CNTN1: variants seen among roughly 807,000 people sequenced by gnomAD.
CNTN1 encodes contactin-1.
In CNTN1, 38 loss-of-function variants were observed where a neutral mutation model predicts 126.4. The ratio of observed to expected loss-of-function variants is 0.30; its 90% CI spans 0.23 to 0.39. The LOEUF (loss-of-function observed/expected upper bound fraction) is 0.39. Ranked by LOEUF, CNTN1 falls within the 10% of genes least tolerant of loss-of-function variation. CNTN1 has a pLI of 1.00. For missense variants in CNTN1, 1,009 were observed against 1,248.4 expected (o/e 0.81, Z 2.89); for synonymous variants, 413 against 422.6 (o/e 0.98, Z 0.28).
At chr12:40,962,870 T>C (rs2137018251) in intron 15 of CNTN1, among the ~76,000 whole-genome samples, 1 of 152,292 alleles carries the variant, frequency 6.6e-6, no homozygotes, top group East Asian at 1.9e-4. Flanking sequence ...TTATATGAGT[T>C]ATATCTGTTA....
At chr12:40,878,502 A>T (rs76782947) in intron 1 of CNTN1, among the ~76,000 whole-genome samples, 2,344 of 152,210 alleles carry the variant, frequency 0.015, 59 homozygotes, top group African/African-American at 0.053. Context: ...TACCATTTTT[A>T]AAAAAATCGG....
In CNTN1 at chr12:40,888,497, A is replaced by T. The variant is rs193003387; in HGVS notation, c.-76-19860A>T. Among the ~76,000 whole-genome samples the T allele has an allele frequency of 5.9e-5, 9 of 152,324 alleles. No individual in the cohort carries two copies. In the East Asian group the frequency reaches 1.4e-3, roughly 23 times the overall value. On this transcript the variant is annotated intron_variant, in intron 1 of 23. Transcript: ENST00000551295. The stretch of plus-strand genomic sequence containing the variant: ...GTACTGGAAACATAATTCAGTCTGT[A>T]ATCATGGCTTGGTCACCTATGGTTT...
chr12:40,843,970 A>G (rs552245847), intron 1 of CNTN1, among the ~76,000 whole-genome samples: 1 of 151,810 alleles, frequency 6.6e-6, no homozygotes, highest in Non-Finnish European at 1.5e-5. Flanking sequence ...TTTCACATAG[A>G]TATATTTGGA....
At chr12:40,897,146 G>T (rs1419034841) in intron 1 of CNTN1, among the ~76,000 whole-genome samples, 1 of 152,210 alleles carries the variant, frequency 6.6e-6, no homozygotes, top group Admixed American at 6.5e-5. Flanking sequence ...ATGATGAAAT[G>T]ATAGTGTATC....
chr12:40,857,434 C>A (rs12582806), intron 1 of CNTN1, among the ~76,000 whole-genome samples: 15,047 of 152,010 alleles, frequency 0.099, 881 homozygotes, highest in Non-Finnish European at 0.13. Context: ...GGTTTGTGGG[C>A]AGTGGAGATG....
chr12:40,747,238 A>G (rs76461258), intron 1 of CNTN1, among the ~76,000 whole-genome samples: 3,277 of 151,774 alleles, frequency 0.022, 115 homozygotes, highest in African/African-American at 0.075. Flanking sequence ...TGGCATTTCT[A>G]TCTCGCTTTT....
intron 23 of CNTN1, among the ~76,000 whole-genome samples, chr12:41,057,418 T>C (rs895705082): frequency 9.3e-5 from 14 of 149,954 alleles, no homozygotes; most frequent in African/African-American, 3.4e-4. Context: ...TAGTAGACCC[T>C]TTACAAGGAA....
At chr12:40,969,139 A>G (rs1947407489) in intron 15 of CNTN1, among the ~76,000 whole-genome samples, 1 of 152,154 alleles carries the variant, frequency 6.6e-6, no homozygotes, top group African/African-American at 2.4e-5. Flanking sequence ...CAGTTTTATT[A>G]CCTATGATTT....
chr12:40,797,623 T>C (rs1596521), intron 1 of CNTN1, among the ~76,000 whole-genome samples: 150,307 of 152,162 alleles, frequency 0.99, 74,261 homozygotes, highest in Middle Eastern at 1. Context: ...TAAATAATGA[T>C]GACACTGACA....
chr12:40,797,049 T>C (rs1285916418), intron 1 of CNTN1, among the ~76,000 whole-genome samples: 1 of 152,094 alleles, frequency 6.6e-6, no homozygotes, highest in Non-Finnish European at 1.5e-5. Flanking sequence ...TATTAGCACC[T>C]AATAAAATTA....
chr12:40,877,642 T>C (rs1007205343), intron 1 of CNTN1, among the ~76,000 whole-genome samples: 1 of 152,216 alleles, frequency 6.6e-6, no homozygotes, highest in Non-Finnish European at 1.5e-5. Flanking sequence ...AGAAAAGGCA[T>C]AAATATACTG....
At chr12:40,837,665 G>C (rs1214532298) in intron 1 of CNTN1, among the ~76,000 whole-genome samples, 1 of 152,190 alleles carries the variant, frequency 6.6e-6, no homozygotes, top group East Asian at 1.9e-4. Context: ...TGAGGTGTTA[G>C]GGAAACTTGG....
rs115139516 is a variant in CNTN1, at chr12:40,940,776, C to T, written c.1379+1291C>T. Among the ~76,000 whole-genome samples the T allele has an allele frequency of 8.6e-3, 1,305 of 152,172 alleles. 15 individuals carry two copies. The highest frequency in any genetic ancestry group is 0.03 in the African/African-American group (1,226 of 41,506). On this transcript the variant is annotated intron_variant, in intron 12 of 23. Transcript: ENST00000551295. ...TGACTTTTAAAGTTAATATGTTTGA[C>T]CTCAGGGTTGTTAAGATTTTAACAA...
intron 15 of CNTN1, among the ~76,000 whole-genome samples, chr12:40,959,963 C>A (rs1947048528): frequency 6.6e-6 from 1 of 152,042 alleles, no homozygotes; most frequent in Non-Finnish European, 1.5e-5. Context: ...TCTAACTAAT[C>A]CACAAAAATA....
At chr12:40,758,193 T>A (rs141596219) in intron 1 of CNTN1, among the ~76,000 whole-genome samples, 3,368 of 151,708 alleles carry the variant, frequency 0.022, 60 homozygotes, top group Middle Eastern at 0.044. Flanking sequence ...CATCAGTGAT[T>A]TAATGTTTCT....
intron 1 of CNTN1, among the ~76,000 whole-genome samples, chr12:40,695,187 A>G (rs1457006983): frequency 6.6e-6 from 1 of 152,246 alleles, no homozygotes; most frequent in African/African-American, 2.4e-5. Context: ...ACACAGTCCT[A>G]TAATAAGTAG....
At chr12:40,850,092 A>T (rs954827893) in intron 1 of CNTN1, among the ~76,000 whole-genome samples, 4 of 152,064 alleles carry the variant, frequency 2.6e-5, no homozygotes, top group African/African-American at 9.7e-5. Flanking sequence ...TAGCATTATA[A>T]TCTATGCTTG....
intron 1 of CNTN1, among the ~76,000 whole-genome samples, chr12:40,702,874 G>C (rs991742375): frequency 2.0e-5 from 3 of 152,054 alleles, no homozygotes; most frequent in Non-Finnish European, 4.4e-5. Flanking sequence ...CAATTTATTT[G>C]TCTCATTGTT....
At chr12:40,841,989 CA>C (rs1942301089) in intron 1 of CNTN1, among the ~76,000 whole-genome samples, 1 of 138,436 alleles carries the variant, frequency 7.2e-6, no homozygotes, top group Non-Finnish European at 1.6e-5. Flanking sequence ...TAAATTTATA[CA>C]AATTTTTTTT....
Sources: gnomAD v4.1 joint callset for allele counts (sites outside exome capture counted in the v4.1 genomes callset) on GRCh38, gnomAD v4.1.1 for gene constraint, MANE v1.5 for transcripts, NCBI Gene and HGNC (gene_info 2026-07-23, HGNC 2026-07-21) for gene names.